Variants in ZNF385D observed in about 807,000 individuals in gnomAD.
ZNF385D encodes zinc finger protein 659.
ZNF385D carries 15 observed loss-of-function variants against 35.8 expected under a neutral mutation model. The observed-to-expected ratio is 0.42, with a 90% CI of 0.28 to 0.64. ZNF385D has a LOEUF of 0.64. ZNF385D is among the 30% of genes least tolerant of loss of function. The probability of loss-of-function intolerance (pLI) is 0.23; values close to 1 mark genes in which losing one functional copy is unlikely to be tolerated. For missense variants in ZNF385D, 474 were observed against 494.6 expected, an observed-to-expected ratio of 0.96 and a Z score of 0.39; for synonymous variants, 212 against 186.8, an observed-to-expected ratio of 1.13 and a Z score of -1.10.
chr3:21,781,194 A>T (rs578203394), intron 3 of ZNF385D, among the ~76,000 whole-genome samples: 1 of 150,414 alleles, frequency 6.6e-6, no homozygotes, highest in Non-Finnish European at 1.5e-5. Context: ...ATCTGGAAAA[A>T]GTATCTCTTT....
At chr3:21,667,414 G>A (rs9846956) in intron 1 of ZNF385D, among the ~76,000 whole-genome samples, 4 of 151,980 alleles carry the variant, frequency 2.6e-5, no homozygotes, top group Non-Finnish European at 4.4e-5. Flanking sequence ...CACCCACCTC[G>A]GCCTCCCAAA....
At chr3:21,504,731 A>G (rs962187814) in intron 4 of ZNF385D, among the ~76,000 whole-genome samples, 1 of 152,192 alleles carries the variant, frequency 6.6e-6, no homozygotes. Flanking sequence ...AAGAAACAAC[A>G]ATGGAAAAAC....
At chr3:22,320,856 TTA>T (rs1238750331) in intron 2 of ZNF385D, among the ~76,000 whole-genome samples, 44 of 152,088 alleles carry the variant, frequency 2.9e-4, no homozygotes, top group African/African-American at 1.0e-3. Context: ...TTTCATTAAC[TTA>T]TATTTTTATG....
intron 3 of ZNF385D, among the ~76,000 whole-genome samples, chr3:22,159,385 A>G (rs1278117248): frequency 6.6e-6 from 1 of 152,040 alleles, no homozygotes; most frequent in Non-Finnish European, 1.5e-5. Flanking sequence ...TGGTCATGAA[A>G]AACTAGAGTA....
In ZNF385D at chr3:22,223,610, T is replaced by C. The variant is rs111785003; in HGVS notation, c.107-54575A>G. On this transcript the variant is annotated intron_variant, in intron 2 of 5. Transcript: ENST00000494108. ...ACATAATGTATTTAACAATAATAAATAGTGTTAATTAAAAGCATACTATGC... is the reference window on the plus strand; with the variant it reads ...ACATAATGTATTTAACAATAATAAACAGTGTTAATTAAAAGCATACTATGC... 3.0e-3 allele frequency among the ~76,000 whole-genome samples: 459 copies of C among 152,234 alleles called. 1 individual carries two copies. Among genetic ancestry groups the C allele is most frequent in the African/African-American group, 0.011 (442 of 41,558 alleles).
intron 2 of ZNF385D, among the ~76,000 whole-genome samples, chr3:22,309,869 G>T (rs1463573918): frequency 6.6e-6 from 1 of 151,928 alleles, no homozygotes; most frequent in Non-Finnish European, 1.5e-5. Flanking sequence ...ACAATGGCCA[G>T]TAGGATGGAA....
rs983753286 is a variant in ZNF385D at position 22,368,118 on chromosome 3, T to C, written c.106+4332A>G. On this transcript the variant is annotated intron_variant, in intron 2 of 5. Coordinates refer to the ZNF385D transcript ENST00000494108. ...AGATATATTTCCATAAAGAGAACTG[T>C]CCCTATGTGTTGCAAATAAGGCAAA... 3.3e-5 allele frequency among the ~76,000 whole-genome samples: 5 copies of C among 152,190 alleles called. No homozygotes were observed. In the East Asian group the frequency reaches 9.6e-4, roughly 29 times the overall value.
At chr3:22,307,747 A>T (rs898710341) in intron 2 of ZNF385D, among the ~76,000 whole-genome samples, 1,066 of 30,792 alleles carry the variant, frequency 0.035, 14 homozygotes, top group African/African-American at 0.071. Flanking sequence ...CCTCTGTTTT[A>T]AAAAAAAAAA....
intron 4 of ZNF385D, among the ~76,000 whole-genome samples, chr3:21,450,572 A>G (rs1342808889): frequency 1.3e-5 from 2 of 152,166 alleles, no homozygotes; most frequent in Non-Finnish European, 2.9e-5. Flanking sequence ...GATTTGGTTC[A>G]GTGAAATCAG....
chr3:22,011,910 T>C (rs1208816361), intron 3 of ZNF385D, among the ~76,000 whole-genome samples: 1 of 152,104 alleles, frequency 6.6e-6, no homozygotes, highest in Non-Finnish European at 1.5e-5. Flanking sequence ...AAATAAAACA[T>C]TTCAATAAAA....
chr3:22,319,617 C>G (rs1694304734), intron 2 of ZNF385D, among the ~76,000 whole-genome samples: 1 of 152,124 alleles, frequency 6.6e-6, no homozygotes, highest in South Asian at 2.1e-4. Context: ...CCCTATAGTT[C>G]ATGGGCTCTA....
intron 3 of ZNF385D, among the ~76,000 whole-genome samples, chr3:22,103,577 T>C (rs544473359): frequency 2.6e-5 from 4 of 152,114 alleles, no homozygotes; most frequent in African/African-American, 9.7e-5. Flanking sequence ...TTTGATGGTC[T>C]GGAGAACCAA....
At chr3:21,589,197 T>C (rs550522591) in intron 2 of ZNF385D, among the ~76,000 whole-genome samples, 65 of 152,236 alleles carry the variant, frequency 4.3e-4, no homozygotes, top group African/African-American at 1.5e-3. Context: ...AAAATGACTT[T>C]AGAGAAAAAG....
At chr3:21,876,653 T>C (rs1697988699) in intron 3 of ZNF385D, among the ~76,000 whole-genome samples, 1 of 151,898 alleles carries the variant, frequency 6.6e-6, no homozygotes, top group South Asian at 2.1e-4. Flanking sequence ...ATTTCATGGA[T>C]AGAAAATAGT....
At chr3:21,650,397 C>T (rs1271250341) in intron 2 of ZNF385D, among the ~76,000 whole-genome samples, 1 of 151,932 alleles carries the variant, frequency 6.6e-6, no homozygotes, top group Admixed American at 6.6e-5. Context: ...AGCTAATTTC[C>T]CCTCTCCCTG....
intron 3 of ZNF385D, among the ~76,000 whole-genome samples, chr3:21,762,147 G>A (rs1343644334): frequency 6.6e-6 from 1 of 151,978 alleles, no homozygotes; most frequent in Non-Finnish European, 1.5e-5. Context: ...AAAGTGCTGG[G>A]ATTACAGGCG....
chr3:21,446,520 G>A (rs527537684), intron 4 of ZNF385D, among the ~76,000 whole-genome samples: 1 of 106,530 alleles, frequency 9.4e-6, no homozygotes, highest in South Asian at 3.0e-4. Flanking sequence ...TTGAGACAGA[G>A]TCTCACTCTA....
chr3:22,249,003 A>T (rs892011493), intron 2 of ZNF385D, among the ~76,000 whole-genome samples: 1 of 152,182 alleles, frequency 6.6e-6, no homozygotes, highest in African/African-American at 2.4e-5. Context: ...TGGTTCTAGC[A>T]GAGCCACCTC....
Position 21,646,369 on chromosome 3 carries a change from C to G in ZNF385D, c.165+18517G>C, listed in dbSNP as rs1036655692. 6.6e-6 allele frequency among the ~76,000 whole-genome samples: 1 copy of G among 152,188 alleles called. No individual in the cohort carries two copies. The highest frequency in any genetic ancestry group is 1.5e-5 in the Non-Finnish European group (1 of 68,034). ...TACAACAGTGCTGCACACGATTAATCTGACTTCACAGTGAGACGCTGAGAA... is the reference window on the plus strand; with the variant it reads ...TACAACAGTGCTGCACACGATTAATGTGACTTCACAGTGAGACGCTGAGAA... On this transcript the variant is annotated intron_variant, in intron 2 of 7. Coordinates refer to ENST00000281523, the MANE Select transcript of ZNF385D (RefSeq NM_024697.3). The surrounding 1 kb of genome is among the most constrained non-coding windows in gnomAD (Gnocchi z 4.3).
Sources: allele counts gnomAD v4.1 joint callset (sites outside exome capture counted in the v4.1 genomes callset), GRCh38; gene constraint gnomAD v4.1.1; non-coding constraint Gnocchi (gnomAD v3.1); transcripts MANE v1.5; gene names NCBI Gene and HGNC (gene_info 2026-07-23, HGNC 2026-07-21).